The following MIR2052HG variants were observed in gnomAD, a reference collection of about 807,000 sequenced individuals.
The protein encoded by MIR2052HG is MIR2052 host gene.
chr8:74,609,147 A>G (rs1372258244), intron 1 of MIR2052HG, among the ~76,000 whole-genome samples: 4 of 152,018 alleles, frequency 2.6e-5, no homozygotes, highest in African/African-American at 9.6e-5. Flanking sequence ...TATTAAGAGG[A>G]TAATAACAAA....
intron 2 of MIR2052HG, among the ~76,000 whole-genome samples, chr8:74,650,776 A>C (rs1808743462): frequency 6.6e-6 from 1 of 152,132 alleles, no homozygotes; most frequent in South Asian, 2.1e-4. Context: ...ATGTGACTGA[A>C]AATATTTCTC....
intron 1 of MIR2052HG, chr8:74,603,525 A>G (rs1443059372): frequency 6.5e-7 from 1 of 1,536,930 alleles, no homozygotes; most frequent in African/African-American, 1.4e-5. Flanking sequence ...CATGAGAAGT[A>G]GTCTGAGCAG....
At chr8:74,715,957 G>A (rs1809516173) in intron 4 of MIR2052HG, among the ~76,000 whole-genome samples, 1 of 152,216 alleles carries the variant, frequency 6.6e-6, no homozygotes, top group South Asian at 2.1e-4. Flanking sequence ...AAATGCTGCT[G>A]TCTTAGCCTA....
chr8:74,662,448 A>C (rs1049059788), intron 2 of MIR2052HG, among the ~76,000 whole-genome samples: 1 of 151,918 alleles, frequency 6.6e-6, no homozygotes, highest in Admixed American at 6.6e-5. Flanking sequence ...GGTGGGGGGC[A>C]AGGGGAGGGA....
intron 2 of MIR2052HG, among the ~76,000 whole-genome samples, chr8:74,691,351 G>A (rs756829229): frequency 1.1e-4 from 16 of 152,166 alleles, no homozygotes; most frequent in Non-Finnish European, 2.1e-4. Flanking sequence ...TTGACCTGTG[G>A]CACAGGTGCT....
chr8:74,718,473 C>T (rs1006716812), intron 4 of MIR2052HG, among the ~76,000 whole-genome samples: 1 of 152,042 alleles, frequency 6.6e-6, no homozygotes, highest in African/African-American at 2.4e-5. Context: ...TGTTTTTGTC[C>T]AGCCAGTGAG....
At chr8:74,661,305 C>T (rs188976904) in intron 2 of MIR2052HG, among the ~76,000 whole-genome samples, 3 of 151,404 alleles carry the variant, frequency 2.0e-5, no homozygotes, top group Non-Finnish European at 2.9e-5. Flanking sequence ...CAGGTTCAAG[C>T]GATTCTCCTG....
intron 2 of MIR2052HG, among the ~76,000 whole-genome samples, chr8:74,646,324 G>A (rs557075879): frequency 1.3e-5 from 2 of 152,252 alleles, no homozygotes; most frequent in East Asian, 3.9e-4. Context: ...AAGAAATGAT[G>A]GCCACCTAAA....
chr8:74,742,599 T>A (rs1283160288), intron 4 of MIR2052HG, among the ~76,000 whole-genome samples: 1 of 152,126 alleles, frequency 6.6e-6, no homozygotes, highest in Non-Finnish European at 1.5e-5. Flanking sequence ...ATCTCACTCA[T>A]TAGTAGTCAT....
intron 2 of MIR2052HG, among the ~76,000 whole-genome samples, chr8:74,634,726 T>G (rs972317047): frequency 6.6e-6 from 1 of 152,152 alleles, no homozygotes; most frequent in African/African-American, 2.4e-5. Context: ...CTTATTCAAT[T>G]TATAAGACCA....
chr8:74,620,934 C>G (rs1808353127), intron 2 of MIR2052HG, among the ~76,000 whole-genome samples: 2 of 152,212 alleles, frequency 1.3e-5, no homozygotes, highest in African/African-American at 4.8e-5. Context: ...TCTGCTTTCT[C>G]TTGAACACTT....
chr8:74,708,966 C>G (rs559826224), intron 4 of MIR2052HG, among the ~76,000 whole-genome samples: 1 of 152,158 alleles, frequency 6.6e-6, no homozygotes, highest in East Asian at 1.9e-4. Context: ...GTAGCTTCAT[C>G]TTTGTATTTA....
intron 2 of MIR2052HG, among the ~76,000 whole-genome samples, chr8:74,643,769 A>G (rs1251944814): frequency 1.3e-5 from 2 of 152,174 alleles, no homozygotes; most frequent in Admixed American, 6.5e-5. Context: ...CCCTTCCCTA[A>G]TGCTAATAAG....
chr8:74,627,273 G>T (rs528343860), intron 2 of MIR2052HG, among the ~76,000 whole-genome samples: 5 of 152,316 alleles, frequency 3.3e-5, no homozygotes, highest in African/African-American at 1.2e-4. Flanking sequence ...ACTGTAAGCT[G>T]CATGAGAGCA....
At position 74,705,825 on chromosome 8, in the gene MIR2052HG, T is replaced by C. The variant is rs2128741263; in HGVS notation, n.371+2143T>C. 1.8e-5 allele frequency: 3 copies of C among 169,086 alleles called. No individual in the cohort carries two copies. The South Asian group carries it at 6.1e-4, about 34-fold the overall frequency. 10.5% of individuals were successfully genotyped at this position (169,086 alleles called of 1,614,324 possible). On this transcript the variant is annotated intron_variant and non_coding_transcript_variant, in intron 4 of 6. Coordinates refer to ENST00000523442, the Ensembl canonical transcript of MIR2052HG. ...GTGTAACTGACTCCAAATAAAAATA[T>C]ATTTACGATAAAACTAGGCCCATGG...
intron 2 of MIR2052HG, among the ~76,000 whole-genome samples, chr8:74,637,431 GCA>G (rs144103123): frequency 1.1e-3 from 172 of 150,610 alleles, no homozygotes; most frequent in East Asian, 9.3e-3. Flanking sequence ...ACATGTGCGT[GCA>G]CACACACACA....
chr8:74,674,093 A>T (rs964320654), intron 2 of MIR2052HG, among the ~76,000 whole-genome samples: 6 of 151,184 alleles, frequency 4.0e-5, no homozygotes, highest in Non-Finnish European at 8.9e-5. Context: ...ACATAATGGA[A>T]GTTACAATGA....
chr8:74,725,955 A>G (rs1809631358), intron 4 of MIR2052HG, among the ~76,000 whole-genome samples: 1 of 152,108 alleles, frequency 6.6e-6, no homozygotes, highest in African/African-American at 2.4e-5. Context: ...ACACTTTGGG[A>G]GGCTGAGGCG....
intron 4 of MIR2052HG, among the ~76,000 whole-genome samples, chr8:74,714,589 CT>C (rs147960463): frequency 0.013 from 1,931 of 150,778 alleles, 32 homozygotes; most frequent in African/African-American, 0.045. Context: ...CTTTGTTAAA[CT>C]TTTTGCAATT....
Sources: gnomAD v4.1 joint callset for allele counts (sites outside exome capture counted in the v4.1 genomes callset) on GRCh38, gnomAD v4.1.1 for gene constraint, MANE v1.5 for transcripts, NCBI Gene and HGNC (gene_info 2026-07-23, HGNC 2026-07-21) for gene names.